The following GTF2I variants were observed in gnomAD, a reference collection of about 807,000 sequenced individuals.
The protein encoded by GTF2I is general transcription factor IIi, also known as general transcription factor II-I.
A neutral mutation model predicts 67.6 loss-of-function variants in GTF2I; 12 were observed. That is an observed-to-expected ratio of 0.18 (90% CI 0.11 to 0.29). The LOEUF is 0.29. Ranked by LOEUF, GTF2I falls within the 10% of genes least tolerant of loss-of-function variation. The pLI is 1.00. For missense variants in GTF2I, 271 were observed against 580.1 expected (o/e 0.47, Z 5.47); for synonymous variants, 149 against 197.0 (o/e 0.76, Z 2.04).
At position 74,684,954 on chromosome 7, in the gene GTF2I, C is replaced by T. The variant is rs1360639326; in HGVS notation, c.-5-4170C>T. ...GCCGAGCCTGGGGGCTGAAGAGCCC[C>T]TTTACAGAATTTTCTGGGGTTTAAC... On this transcript the variant is annotated intron_variant, in intron 1 of 34. Coordinates refer to ENST00000573035, the MANE Select transcript of GTF2I (RefSeq NM_032999.4). The T allele has an allele frequency of 2.6e-5, 4 of 152,360 alleles. No individual in the cohort carries two copies. The East Asian group carries it at 7.7e-4, about 29-fold the overall frequency. The allele number at this position is 152,360 out of a possible 1,614,324, so 9.4% of individuals were successfully genotyped here. A position where few individuals can be genotyped will look rare whatever the true frequency, so the allele number is the denominator to read the frequency against.
intron 12 of GTF2I, among the ~76,000 whole-genome samples, chr7:74,726,146 G>T (rs1554405619): frequency 1.3e-5 from 2 of 151,834 alleles, no homozygotes; most frequent in Admixed American, 6.6e-5. Context: ...CTTAAATGAT[G>T]ATCTATAAGG....
Position 74,718,950 on chromosome 7 carries a change from T to C in GTF2I, c.943+9T>C, listed in dbSNP as rs992383542. 7.5e-6 allele frequency: 11 copies of C among 1,469,622 alleles called. No individual in the cohort carries two copies. The highest frequency in any genetic ancestry group is 1.0e-5 in the Non-Finnish European group (11 of 1,067,630). The allele number at this position is 1,469,622 out of a possible 1,614,324, so 91.0% of individuals were successfully genotyped here. ...TGAGGTGACTATTGAAGGTTAGTTATCTAAAAGCCTTGATTCCAAAGTTTA... is the reference window on the plus strand; with the variant it reads ...TGAGGTGACTATTGAAGGTTAGTTACCTAAAAGCCTTGATTCCAAAGTTTA... On this transcript the variant is annotated intron_variant, in intron 12 of 34. Coordinates refer to ENST00000573035, the MANE Select transcript of GTF2I (RefSeq NM_032999.4).
At chr7:74,704,993 T>C (rs587776304) in intron 6 of GTF2I, among the ~76,000 whole-genome samples, 171 bp from the exon 7 acceptor site, 105 of 152,256 alleles carry the variant, frequency 6.9e-4, no homozygotes, top group African/African-American at 2.4e-3. Flanking sequence ...AAGAGCTTTT[T>C]CATTCAAGGA....
intron 1 of GTF2I, among the ~76,000 whole-genome samples, chr7:74,670,136 A>T (rs1805325717): frequency 6.6e-6 from 1 of 152,172 alleles, no homozygotes; most frequent in African/African-American, 2.4e-5. Context: ...ATTTTAGTGA[A>T]GTTTAAATTA....
At chr7:74,729,776 C>T (rs1264427412) in intron 13 of GTF2I, among the ~76,000 whole-genome samples, 2 of 150,418 alleles carry the variant, frequency 1.3e-5, no homozygotes, top group Non-Finnish European at 1.5e-5. Context: ...CTGCACTTGG[C>T]CTGTTCTTTA....
chr7:74,666,022 G>A (rs1804941696), intron 1 of GTF2I, among the ~76,000 whole-genome samples: 1 of 152,044 alleles, frequency 6.6e-6, no homozygotes, highest in Non-Finnish European at 1.5e-5. Flanking sequence ...GTATTTTTTA[G>A]TAGAGAAGGG....
At chr7:74,730,978 A>G (rs1436596506) in intron 14 of GTF2I, among the ~76,000 whole-genome samples, 2 of 132,480 alleles carry the variant, frequency 1.5e-5, no homozygotes, top group Admixed American at 8.0e-5. Context: ...AAGTGCTAGC[A>G]TTACAGGCGT....
At chr7:74,663,591 C>T (rs187599579) in intron 1 of GTF2I, among the ~76,000 whole-genome samples, 56 of 152,142 alleles carry the variant, frequency 3.7e-4, no homozygotes, top group Non-Finnish European at 6.3e-4. Context: ...GCGCCTGGTT[C>T]GTTTATTGAG....
intron 6 of GTF2I, 28 bp from the exon 7 acceptor site, chr7:74,705,136 A>T (rs1554400976): frequency 1.4e-6 from 2 of 1,453,764 alleles, no homozygotes. Flanking sequence ...TTGAAAAACT[A>T]ACTCCAATTT....
At chr7:74,709,682 T>A (rs1791260833) in intron 8 of GTF2I, among the ~76,000 whole-genome samples, 1 of 152,028 alleles carries the variant, frequency 6.6e-6, no homozygotes, top group Admixed American at 6.6e-5. Flanking sequence ...TTCTTTATTT[T>A]TTTTTTTTGA....
At chr7:74,681,139 T>C (rs587683061) in intron 1 of GTF2I, among the ~76,000 whole-genome samples, 29 of 151,822 alleles carry the variant, frequency 1.9e-4, no homozygotes, top group South Asian at 8.3e-4. Flanking sequence ...ACTGAGGAGA[T>C]TGAAAAAATG....
intron 1 of GTF2I, among the ~76,000 whole-genome samples, chr7:74,678,225 T>C (rs1786868753): frequency 6.6e-6 from 1 of 151,354 alleles, no homozygotes; most frequent in African/African-American, 2.4e-5. Flanking sequence ...CGGCTTTTTT[T>C]TTTTTTTTTT....
chr7:74,706,546 CACT>C (rs1790722957), intron 8 of GTF2I, 113 bp downstream of exon 8: 1 of 778,078 alleles, frequency 1.3e-6, no homozygotes, highest in African/African-American at 1.7e-5. Context: ...AAGAGGCAGT[CACT>C]ACTAATGTAT....
At chr7:74,735,789 G>A (rs1203152373) in intron 17 of GTF2I, among the ~76,000 whole-genome samples, 1 of 40,568 alleles carries the variant, frequency 2.5e-5, no homozygotes. Flanking sequence ...CTGCCTCAGC[G>A]TCCCAAGTAG....
chr7:74,723,428 CTTTTT>C (rs58149301), intron 12 of GTF2I, among the ~76,000 whole-genome samples: 7 of 61,072 alleles, frequency 1.1e-4, no homozygotes, highest in Non-Finnish European at 1.6e-4. Context: ...CTCCCGGCCT[CTTTTT>C]TTTTTTTTTT....
intron 1 of GTF2I, among the ~76,000 whole-genome samples, chr7:74,661,237 G>A (rs939527908): frequency 5.9e-5 from 9 of 152,270 alleles, no homozygotes; most frequent in Non-Finnish European, 7.3e-5. Flanking sequence ...CTGCAGGTCT[G>A]GGGAGTTGCC....
At chr7:74,708,200 G>A (rs1791021633) in intron 8 of GTF2I, among the ~76,000 whole-genome samples, 1 of 152,120 alleles carries the variant, frequency 6.6e-6, no homozygotes, top group Admixed American at 6.6e-5. Flanking sequence ...CTACTCAAGA[G>A]GCTGAGGGAG....
At chr7:74,664,897 G>T (rs782221065) in intron 1 of GTF2I, among the ~76,000 whole-genome samples, 1 of 152,036 alleles carries the variant, frequency 6.6e-6, no homozygotes, top group Non-Finnish European at 1.5e-5. Context: ...TTTCCTGCCT[G>T]TGCGACCTTG....
At chr7:74,689,016 CAAGAA>C in intron 1 of GTF2I, 103 bp from the exon 2 acceptor site, 1 of 689,340 alleles carries the variant, frequency 1.5e-6, no homozygotes, top group Non-Finnish European at 2.6e-6. Context: ...GTCTCTAGAG[CAAGAA>C]AACTGTAAAT....
Sources: allele counts gnomAD v4.1 joint callset (sites outside exome capture counted in the v4.1 genomes callset), GRCh38; gene constraint gnomAD v4.1.1; transcripts MANE v1.5; gene names NCBI Gene and HGNC (gene_info 2026-07-23, HGNC 2026-07-21).